Variants in RIMS2 observed in about 807,000 individuals in gnomAD.
RIMS2 encodes regulating synaptic membrane exocytosis 2, also known as regulating synaptic membrane exocytosis protein 2.
Under a neutral mutation model 174.4 loss-of-function variants are expected in RIMS2, and 59 were observed. The observed-to-expected ratio is 0.34, with a 90% CI of 0.27 to 0.42. The LOEUF (loss-of-function observed/expected upper bound fraction) is 0.42. Ranked by LOEUF, RIMS2 falls within the 10% of genes least tolerant of loss-of-function variation. RIMS2 has a pLI of 1.00. For synonymous variants in RIMS2, 606 were observed against 572.5 expected, an observed-to-expected ratio of 1.06 and a Z score of -0.84; for missense variants, 1,620 against 1,666.3, an observed-to-expected ratio of 0.97 and a Z score of 0.48.
At chr8:103,915,221 C>T (rs546092944) in intron 6 of RIMS2, among the ~76,000 whole-genome samples, 1 of 152,034 alleles carries the variant, frequency 6.6e-6, no homozygotes, top group African/African-American at 2.4e-5. Context: ...TGAATCAGGA[C>T]AAAAATTACC....
intron 19 of RIMS2, among the ~76,000 whole-genome samples, chr8:104,154,464 T>A (rs2098709316): frequency 6.6e-6 from 1 of 152,238 alleles, no homozygotes; most frequent in Admixed American, 6.5e-5. Context: ...TTTAATTAAA[T>A]TATTTTAAAT....
At chr8:103,588,236 G>GA (rs1357576196) in intron 1 of RIMS2, among the ~76,000 whole-genome samples, 1 of 151,536 alleles carries the variant, frequency 6.6e-6, no homozygotes, top group South Asian at 2.1e-4. Context: ...AAACACTGAA[G>GA]AAAAAAATTA....
intron 19 of RIMS2, among the ~76,000 whole-genome samples, chr8:104,191,957 T>C (rs2511646): frequency 0.76 from 114,920 of 151,990 alleles, 44,686 homozygotes; most frequent in African/African-American, 0.94. Flanking sequence ...AAATTCATTT[T>C]CCAAGAAGAG....
chr8:103,961,254 C>T (rs2089969836), intron 15 of RIMS2, 121 bp downstream of exon 17: 1 of 608,130 alleles, frequency 1.6e-6, no homozygotes. Context: ...CCAAAACAGC[C>T]TATGGCAACC....
chr8:103,706,263 C>T (rs917209948), intron 2 of RIMS2, among the ~76,000 whole-genome samples: 1 of 152,002 alleles, frequency 6.6e-6, no homozygotes, highest in African/African-American at 2.4e-5. Flanking sequence ...TTAAATATGC[C>T]TTTCTTTCAA....
intron 14 of RIMS2, among the ~76,000 whole-genome samples, chr8:103,953,880 T>G (rs1223927388): frequency 1.3e-5 from 2 of 151,912 alleles, no homozygotes; most frequent in African/African-American, 4.8e-5. Context: ...GAGACACATA[T>G]AGGCTCAAAA....
At chr8:103,859,398 C>G (rs187746548) in intron 3 of RIMS2, among the ~76,000 whole-genome samples, 15 of 152,132 alleles carry the variant, frequency 9.9e-5, no homozygotes, top group Admixed American at 9.2e-4. Context: ...TCCCACCCCC[C>G]ACTGAAGGCC....
At chr8:104,090,718 A>G (rs2097639027) in intron 19 of RIMS2, among the ~76,000 whole-genome samples, 1 of 151,868 alleles carries the variant, frequency 6.6e-6, no homozygotes, top group African/African-American at 2.4e-5. Context: ...GAACCTGGCC[A>G]AATGGGGAAG....
chr8:104,029,034 C>T (rs1271953405), intron 19 of RIMS2, among the ~76,000 whole-genome samples: 1 of 152,120 alleles, frequency 6.6e-6, no homozygotes, highest in Non-Finnish European at 1.5e-5. Flanking sequence ...GTGGACAATT[C>T]CCAGAACTGA....
chr8:103,883,053 C>A (rs1451274316), intron 3 of RIMS2, among the ~76,000 whole-genome samples: 3 of 151,616 alleles, frequency 2.0e-5, no homozygotes, highest in Non-Finnish European at 3.0e-5. Flanking sequence ...ATTGTAAAAT[C>A]ATAGTACCTA....
At chr8:103,544,205 C>G (rs1563715007) in intron 1 of RIMS2, among the ~76,000 whole-genome samples, 1 of 152,208 alleles carries the variant, frequency 6.6e-6, no homozygotes, top group African/African-American at 2.4e-5. Context: ...GTTGCAGACT[C>G]CTGTTGTCCG....
chr8:104,084,183 G>A (rs947857075), intron 19 of RIMS2, among the ~76,000 whole-genome samples: 1 of 152,042 alleles, frequency 6.6e-6, no homozygotes, highest in Non-Finnish European at 1.5e-5. Context: ...GCTCATGCCT[G>A]TAATCCCAGC....
chr8:103,693,314 C>G (rs1253852014), intron 1 of RIMS2, among the ~76,000 whole-genome samples: 3 of 152,174 alleles, frequency 2.0e-5, no homozygotes, highest in Non-Finnish European at 4.4e-5. Context: ...TCTTCAGTGC[C>G]TCTTTTTTAT....
At chr8:103,610,817 G>C (rs769293356) in intron 1 of RIMS2, among the ~76,000 whole-genome samples, 10 of 152,160 alleles carry the variant, frequency 6.6e-5, no homozygotes, top group African/African-American at 2.4e-4. Context: ...CCATGTTTTG[G>C]TATCAGGATA....
intron 19 of RIMS2, among the ~76,000 whole-genome samples, chr8:104,231,984 G>A (rs993047868): frequency 6.6e-6 from 1 of 152,160 alleles, no homozygotes; most frequent in Non-Finnish European, 1.5e-5. Context: ...AGTTCTACTG[G>A]ACAATGCAGC....
chr8:104,139,992 A>G (rs2098552979), intron 19 of RIMS2, among the ~76,000 whole-genome samples: 1 of 152,146 alleles, frequency 6.6e-6, no homozygotes, highest in Non-Finnish European at 1.5e-5. Context: ...ATTTTATCAA[A>G]TGCTTTTTCA....
At chr8:104,009,059 T>A (rs908232327) in intron 17 of RIMS2, among the ~76,000 whole-genome samples, 2 of 152,128 alleles carry the variant, frequency 1.3e-5, no homozygotes, top group Admixed American at 1.3e-4. Context: ...AAAGTTAATC[T>A]TGCACATTAA....
rs1047655388 is a variant in RIMS2 at position 104,107,677 on chromosome 8, G to C, written c.3334+93062G>C. Reference sequence around the variant, plus strand: ...AATAGTCCAGGACAGGCTGGTATTGGTGGCTCACGCATGTAATCCTAGCTC... The same window carrying C: ...AATAGTCCAGGACAGGCTGGTATTGCTGGCTCACGCATGTAATCCTAGCTC... On this transcript the variant is annotated intron_variant, in intron 19 of 23. Coordinates refer to ENST00000504942, the Ensembl canonical transcript of RIMS2. 4.6e-5 allele frequency among the ~76,000 whole-genome samples: 7 copies of C among 152,312 alleles called. No individual in the cohort carries two copies. The East Asian group carries it at 1.2e-3, about 25-fold the overall frequency.
intron 1 of RIMS2, among the ~76,000 whole-genome samples, chr8:103,586,053 T>A (rs1389471161): frequency 6.6e-6 from 1 of 152,062 alleles, no homozygotes; most frequent in Non-Finnish European, 1.5e-5. Flanking sequence ...ATATAACAAT[T>A]GTAAATCTAT....
Sources: gnomAD v4.1 joint callset for allele counts (sites outside exome capture counted in the v4.1 genomes callset) on GRCh38, gnomAD v4.1.1 for gene constraint, MANE v1.5 for transcripts, NCBI Gene and HGNC (gene_info 2026-07-23, HGNC 2026-07-21) for gene names.